Variants in PARP14 observed in about 807,000 individuals in gnomAD.
PARP14 encodes poly(ADP-ribose) polymerase family member 14, also known as protein mono-ADP-ribosyltransferase PARP14.
A neutral mutation model predicts 154.2 loss-of-function variants in PARP14; 59 were observed. The observed-to-expected ratio is 0.38, with a 90% CI of 0.31 to 0.48. The LOEUF (loss-of-function observed/expected upper bound fraction) is 0.48. Ranked by LOEUF, PARP14 falls within the 20% of genes least tolerant of loss-of-function variation. The probability of loss-of-function intolerance (pLI) is 0.98; values close to 1 mark genes in which losing one functional copy is unlikely to be tolerated. For missense variants in PARP14, 1,734 were observed against 2,131.6 expected, an observed-to-expected ratio of 0.81 and a Z score of 3.67; for synonymous variants, 720 against 780.5, an observed-to-expected ratio of 0.92 and a Z score of 1.29.
intron 5 of PARP14, 41 bp downstream of exon 5, chr3:122,695,703 CAT>C: frequency 1.1e-6 from 1 of 893,814 alleles, no homozygotes; most frequent in Non-Finnish European, 1.8e-6. Context: ...TAATCTAGGC[CAT>C]TATTAGCAGA....
At position 122,699,802 on chromosome 3, in the gene PARP14, T is replaced by G. The variant is rs368699998; in HGVS notation, c.1248T>G (p.Asp416Glu). 1.4e-5 allele frequency: 22 copies of G among 1,613,846 alleles called. No individual in the cohort carries two copies. In the Middle Eastern group the frequency reaches 6.6e-4, roughly 48 times the overall value. ...DPTMWDTIKN[D>E]VKDDRILIEF... ...CAATGTGGGACACCATAAAAAATGA[T>G]GTGAAAGATGACAGGATTTTGATTG... The change falls in exon 6 of 17, where the codon GAT (aspartate) becomes GAG (glutamate). Residue 416 changes from aspartate to glutamate, a missense_variant. Physicochemically the swap from Asp to Glu is conservative, Grantham distance 45. Transcript: ENST00000474629.
At chr3:122,711,181 G>C (rs1939309977) in intron 9 of PARP14, among the ~76,000 whole-genome samples, 1 of 152,116 alleles carries the variant, frequency 6.6e-6, no homozygotes, top group African/African-American at 2.4e-5. Flanking sequence ...CCAGGGGTAT[G>C]CTGTCAACTT....
At chr3:122,720,650 ACAAATT>A in intron 15 of PARP14, 1 of 508,106 alleles carries the variant, frequency 2.0e-6, no homozygotes, top group South Asian at 1.9e-5. Context: ...GCAAGCTAAT[ACAAATT>A]CAAAGATATG....
chr3:122,713,831 T>A (rs1390587785), intron 10 of PARP14, 41 bp from the exon 11 acceptor site: 1 of 1,424,374 alleles, frequency 7.0e-7, no homozygotes, highest in Non-Finnish European at 9.9e-7. Context: ...CCATAGTGGT[T>A]TTTTACTCAT....
intron 16 of PARP14, 68 bp from the exon 17 acceptor site, chr3:122,728,240 C>A: frequency 7.5e-7 from 1 of 1,340,346 alleles, no homozygotes; most frequent in Non-Finnish European, 1.0e-6. Flanking sequence ...CATTATTTAA[C>A]AGATTGGGCC....
chr3:122,710,996 G>A (rs1011315700), intron 9 of PARP14, among the ~76,000 whole-genome samples: 5 of 151,894 alleles, frequency 3.3e-5, no homozygotes, highest in East Asian at 1.9e-4. Context: ...TGGATGAGTC[G>A]TTAGGATTTT....
At chr3:122,717,714 A>G (rs1487198904) in intron 12 of PARP14, among the ~76,000 whole-genome samples, 1 of 152,232 alleles carries the variant, frequency 6.6e-6, no homozygotes, top group Non-Finnish European at 1.5e-5. Flanking sequence ...ATGAAATTTC[A>G]AGGACACTAG....
Position 122,701,677 on chromosome 3 carries a change from T to TAAGTAAAG in PARP14, c.3081+42_3081+43insAAGTAAAG. On this transcript the variant is annotated intron_variant, in intron 6 of 16. Transcript: ENST00000474629. The surrounding 1 kb of genome is among the most constrained non-coding windows in gnomAD (Gnocchi z 4.0). ...CAGAACACCACCAGGGCACTGTGACTTTACTTAGTCAGTGGCTCTCTCATG... is the reference window on the plus strand; with the variant it reads ...CAGAACACCACCAGGGCACTGTGACTAAGTAAAGTTACTTAGTCAGTGGCTCTCTCATG... 7.2e-7 allele frequency: 1 copy of TAAGTAAAG among 1,395,888 alleles called. No homozygotes were observed. The highest frequency in any genetic ancestry group is 9.7e-7 in the Non-Finnish European group (1 of 1,031,288). 86.5% of individuals were successfully genotyped at this position (1,395,888 alleles called of 1,614,324 possible).
chr3:122,729,573 T>A lies in PARP14; in HGVS notation c.*976T>A, dbSNP rs981907561. ...CCTCAGCCTCCCGAGTAGCTGGGATTACAGGCATGCGCTAACACACCCAGC... is the reference window on the plus strand; with the variant it reads ...CCTCAGCCTCCCGAGTAGCTGGGATAACAGGCATGCGCTAACACACCCAGC... On this transcript the variant is annotated 3_prime_UTR_variant, in exon 17 of 17. Coordinates refer to ENST00000474629, the MANE Select transcript of PARP14 (RefSeq NM_017554.3). 5.9e-5 allele frequency: 9 copies of A among 152,378 alleles called. No individual in the cohort carries two copies. Among genetic ancestry groups the A allele is most frequent in the Admixed American group, 5.9e-4 (9 of 15,290 alleles). 9.4% of individuals were successfully genotyped at this position (152,378 alleles called of 1,614,324 possible).
At chr3:122,718,024 C>G (rs748515354) in intron 12 of PARP14, 47 bp from the exon 13 acceptor site, 13 of 1,469,012 alleles carry the variant, frequency 8.8e-6, no homozygotes, top group Middle Eastern at 1.8e-4. Flanking sequence ...CAGCCTTCCA[C>G]TTGGGGCTTT....
intron 9 of PARP14, among the ~76,000 whole-genome samples, chr3:122,712,059 T>C (rs1423669848): frequency 6.6e-6 from 1 of 151,820 alleles, no homozygotes; most frequent in African/African-American, 2.4e-5. Flanking sequence ...TTTATCTTTT[T>C]TTGTTTGTTT....
chr3:122,691,163 A>G (rs900763358), intron 3 of PARP14, among the ~76,000 whole-genome samples: 1 of 152,268 alleles, frequency 6.6e-6, no homozygotes, highest in African/African-American at 2.4e-5. Context: ...GGCCACTGCG[A>G]ACATTTACAC....
At position 122,701,700 on chromosome 3, in the gene PARP14, A is replaced by G. The variant is rs1444073906; in HGVS notation, c.3081+65A>G. On this transcript the variant is annotated intron_variant, in intron 6 of 16. Transcript: ENST00000474629. This position sits in a 1 kb window ranked among gnomAD's most constrained non-coding sequence, Gnocchi z 4.0. ...ACTTTACTTAGTCAGTGGCTCTCTC[A>G]TGGAGGGCTGAAGAAAGATAAGGAC... 4 of 1,163,894 alleles carry G rather than the reference A, an allele frequency of 3.4e-6. No individual in the cohort carries two copies. The highest frequency in any genetic ancestry group is 4.8e-6 in the Non-Finnish European group (4 of 832,166). 72.1% of individuals were successfully genotyped at this position (1,163,894 alleles called of 1,614,324 possible).
In PARP14 at chr3:122,686,887, A is replaced by T. The variant is rs1296920217; in HGVS notation, c.322-193A>T. 16 of 525,024 alleles carry T rather than the reference A, an allele frequency of 3.0e-5. No homozygotes were observed. In the East Asian group the frequency reaches 4.9e-4, roughly 16 times the overall value. The allele number at this position is 525,024 out of a possible 1,614,324, so 32.5% of individuals were successfully genotyped here. On this transcript the variant is annotated intron_variant, in intron 2 of 16. Coordinates refer to ENST00000474629, the MANE Select transcript of PARP14 (RefSeq NM_017554.3). ...TTTCTGTTATTTGTGTCTCATCTTC[A>T]TTGGTGATTTTTGTGACTTGCAAGT...
intron 3 of PARP14, among the ~76,000 whole-genome samples, chr3:122,689,981 C>T (rs141972619): frequency 6.6e-6 from 1 of 152,332 alleles, no homozygotes; most frequent in Non-Finnish European, 1.5e-5. Context: ...CTGTTGCTCA[C>T]CATTCCCTCT....
intron 6 of PARP14, 49 bp from the exon 7 acceptor site, chr3:122,703,693 G>T: frequency 8.8e-7 from 1 of 1,138,974 alleles, no homozygotes; most frequent in Non-Finnish European, 1.3e-6. Context: ...AATCATTGAT[G>T]AATGCTTTTT....
intron 9 of PARP14, among the ~76,000 whole-genome samples, chr3:122,710,607 T>C (rs554942202): frequency 5.7e-4 from 87 of 152,244 alleles, no homozygotes; most frequent in African/African-American, 2.1e-3. Flanking sequence ...TGCTGGTATT[T>C]GGATGAGAAT....
At chr3:122,707,897 C>T (rs1305320367) in intron 8 of PARP14, among the ~76,000 whole-genome samples, 6 of 152,122 alleles carry the variant, frequency 3.9e-5, no homozygotes, top group Admixed American at 3.9e-4. Context: ...TAACTTTTTC[C>T]CTGTTGAATT....
chr3:122,707,049 C>T (rs2107647640), intron 8 of PARP14, among the ~76,000 whole-genome samples: 1 of 152,264 alleles, frequency 6.6e-6, no homozygotes, highest in South Asian at 2.1e-4. Flanking sequence ...ATTGTAGAAA[C>T]TTTGAACAAT....
Sources: allele counts gnomAD v4.1 joint callset (sites outside exome capture counted in the v4.1 genomes callset), GRCh38; gene constraint gnomAD v4.1.1; non-coding constraint Gnocchi (gnomAD v3.1); transcripts MANE v1.5; gene names NCBI Gene and HGNC (gene_info 2026-07-23, HGNC 2026-07-21).